TNFAIP8: variants seen among roughly 807,000 people sequenced by gnomAD.
TNFAIP8 encodes the protein TNF alpha induced protein 8, also known as tumor necrosis factor alpha-induced protein 8.
A neutral mutation model predicts 13.3 loss-of-function variants in TNFAIP8; 7 were observed. The ratio of observed to expected loss-of-function variants is 0.52; its 90% CI spans 0.30 to 0.99. The LOEUF (loss-of-function observed/expected upper bound fraction) is 0.99, where lower values mean the gene tolerates loss of function less well. Ranked by LOEUF, TNFAIP8 falls within the 50% of genes least tolerant of loss-of-function variation. The pLI, the probability that TNFAIP8 is intolerant of heterozygous loss-of-function variation, is 0.07. For missense variants in TNFAIP8, 258 were observed against 236.9 expected (o/e 1.09, Z -0.58); for synonymous variants, 94 against 87.6 (o/e 1.07, Z -0.41).
intron 1 of TNFAIP8, among the ~76,000 whole-genome samples, chr5:119,342,564 C>A (rs549648195): frequency 1.4e-4 from 21 of 152,258 alleles, no homozygotes; most frequent in African/African-American, 4.1e-4. Context: ...AACTTACTCC[C>A]TTCAGGAAAA....
At chr5:119,280,944 CT>C (rs1383706440) in intron 1 of TNFAIP8, among the ~76,000 whole-genome samples, 2 of 151,628 alleles carry the variant, frequency 1.3e-5, no homozygotes, top group South Asian at 2.1e-4. Context: ...GGAATTAAAT[CT>C]TTTTTATAGG....
Position 119,318,320 on chromosome 5 carries a change from T to C in TNFAIP8, c.1+49413T>C, listed in dbSNP as rs183946823. Among the ~76,000 whole-genome samples, 21 of 152,264 alleles carry C rather than the reference T, an allele frequency of 1.4e-4. 1 individual carries two copies. In the East Asian group the frequency reaches 4.1e-3, roughly 29 times the overall value. On this transcript the variant is annotated intron_variant, in intron 1 of 1. Transcript: ENST00000274456. Reference sequence around the variant, plus strand: ...CTTTTTGAGACAGGTCTCCCTCTGTTAGCCAGGCTGGAGTCTGGAGTGCAG... The same window carrying C: ...CTTTTTGAGACAGGTCTCCCTCTGTCAGCCAGGCTGGAGTCTGGAGTGCAG...
At chr5:119,278,146 T>C (rs1026997736) in intron 1 of TNFAIP8, among the ~76,000 whole-genome samples, 4 of 152,128 alleles carry the variant, frequency 2.6e-5, no homozygotes, top group African/African-American at 7.2e-5. Context: ...AGACATTAAA[T>C]TGTCTTATAT....
rs530114354 is a variant in TNFAIP8, at chr5:119,396,699, G to A, written c.*3318G>A. The stretch of plus-strand genomic sequence containing the variant: ...CATATACAACTCAAAATTAGTTTAA[G>A]AGTAAAGCATGGGGTGGGTGCGGTG... On this transcript the variant is annotated 3_prime_UTR_variant, in exon 2 of 2. Coordinates refer to ENST00000504771, the MANE Select transcript of TNFAIP8 (RefSeq NM_014350.4). The A allele has an allele frequency of 2.0e-5, 3 of 152,176 alleles. No homozygotes were observed. Among genetic ancestry groups the A allele is most frequent in the South Asian group, 2.1e-4 (1 of 4,826 alleles). 9.4% of individuals were successfully genotyped at this position (152,176 alleles called of 1,614,324 possible). A position where few individuals can be genotyped will look rare whatever the true frequency, so the allele number is the denominator to read the frequency against.
chr5:119,333,179 T>C, intron 1 of TNFAIP8: 4 of 990,978 alleles, frequency 4.0e-6, no homozygotes, highest in Non-Finnish European at 3.6e-6. Flanking sequence ...CTGCTTGATT[T>C]TGAATATACT....
chr5:119,295,943 A>G (rs1749161565), intron 1 of TNFAIP8, among the ~76,000 whole-genome samples: 1 of 151,236 alleles, frequency 6.6e-6, no homozygotes, highest in Non-Finnish European at 1.5e-5. Flanking sequence ...TTGTTGGTGT[A>G]TAAGAATGCT....
chr5:119,347,074 G>T (rs1226544995), intron 1 of TNFAIP8, among the ~76,000 whole-genome samples: 1 of 152,214 alleles, frequency 6.6e-6, no homozygotes, highest in African/African-American at 2.4e-5. Context: ...CATTGAAACA[G>T]GTTGCTATTT....
chr5:119,348,759 A>C (rs1338882341), intron 1 of TNFAIP8, among the ~76,000 whole-genome samples: 1 of 152,028 alleles, frequency 6.6e-6, no homozygotes, highest in Non-Finnish European at 1.5e-5. Context: ...ACATGCCTGT[A>C]ATCTCAGCTA....
chr5:119,273,623 G>C (rs531640493), intron 1 of TNFAIP8, among the ~76,000 whole-genome samples: 1 of 152,306 alleles, frequency 6.6e-6, no homozygotes, highest in South Asian at 2.1e-4. Flanking sequence ...ACCTATTACA[G>C]TTAAATTGTG....
At position 119,356,042 on chromosome 5, in the gene TNFAIP8, C is replaced by G. The variant is rs3797340; in HGVS notation, c.-49C>G. ...CTGCAGAGCGAACTTGCGGCTCGTC[C>G]GAGTACATGTGAGCGGTAATCGCCC... On this transcript the variant is annotated 5_prime_UTR_variant, in exon 1 of 2. Coordinates refer to ENST00000504771, the MANE Select transcript of TNFAIP8 (RefSeq NM_014350.4). 0.21 allele frequency: 317,521 copies of G among 1,543,162 alleles called. 33,681 individuals are homozygous for G. The highest frequency in any genetic ancestry group is 0.21 in the Non-Finnish European group (237,844 of 1,141,174).
intron 1 of TNFAIP8, among the ~76,000 whole-genome samples, chr5:119,384,479 T>C (rs1752598701): frequency 6.6e-6 from 1 of 152,128 alleles, no homozygotes; most frequent in Admixed American, 6.6e-5. Context: ...CGACACTCCA[T>C]CTTAAAAAAA....
In TNFAIP8 at chr5:119,396,630, CAAGTT is replaced by C. The variant is rs777341997; in HGVS notation, c.*3258_*3262del. 31 of 147,956 alleles carry C rather than the reference CAAGTT, an allele frequency of 2.1e-4. No homozygotes were observed. The highest frequency in any genetic ancestry group is 5.3e-4 in the African/African-American group (20 of 37,938). The allele number at this position is 147,956 out of a possible 1,614,324, so 9.2% of individuals were successfully genotyped here. A position where few individuals can be genotyped will look rare whatever the true frequency, so the allele number is the denominator to read the frequency against. ...GATTTGGAGGCTCAAAATATTTGAG[CAAGTT>C]AAGTTAAGAAATAGCCTTTTTCTGA... On this transcript the variant is annotated 3_prime_UTR_variant, in exon 2 of 2. Transcript: ENST00000504771.
intron 1 of TNFAIP8, among the ~76,000 whole-genome samples, chr5:119,386,231 C>T (rs2112851746): frequency 6.6e-6 from 1 of 152,236 alleles, no homozygotes. Flanking sequence ...ATACAAATTG[C>T]ACATATTGAA....
At chr5:119,387,377 T>G (rs1752721786) in intron 1 of TNFAIP8, among the ~76,000 whole-genome samples, 1 of 152,228 alleles carries the variant, frequency 6.6e-6, no homozygotes, top group Non-Finnish European at 1.5e-5. Flanking sequence ...TTCCTAATAT[T>G]GGAAACCTGG....
chr5:119,324,361 G>A (rs562670479), intron 1 of TNFAIP8, among the ~76,000 whole-genome samples: 1 of 149,094 alleles, frequency 6.7e-6, no homozygotes, highest in South Asian at 2.1e-4. Context: ...TCGGGGCTGG[G>A]AGCTCCTGGG....
At chr5:119,323,397 A>G (rs1394312762) in intron 1 of TNFAIP8, among the ~76,000 whole-genome samples, 1 of 152,128 alleles carries the variant, frequency 6.6e-6, no homozygotes, top group Non-Finnish European at 1.5e-5. Context: ...CACCCTGCAT[A>G]CATACACATC....
At chr5:119,310,666 C>G (rs1262397145) in intron 1 of TNFAIP8, among the ~76,000 whole-genome samples, 1 of 152,128 alleles carries the variant, frequency 6.6e-6, no homozygotes, top group Non-Finnish European at 1.5e-5. Flanking sequence ...AAAACCCTGT[C>G]TCTACTAAGA....
At chr5:119,294,655 C>T (rs1351858290) in intron 1 of TNFAIP8, among the ~76,000 whole-genome samples, 2 of 152,134 alleles carry the variant, frequency 1.3e-5, no homozygotes, top group African/African-American at 4.8e-5. Flanking sequence ...TTTACAGTCC[C>T]ACCAACAGTG....
intron 1 of TNFAIP8, among the ~76,000 whole-genome samples, chr5:119,358,964 C>G (rs1013545169): frequency 6.6e-6 from 1 of 152,108 alleles, no homozygotes; most frequent in Non-Finnish European, 1.5e-5. Flanking sequence ...TAGCCATTTC[C>G]CACCACCACC....
Sources: gnomAD v4.1 joint callset for allele counts (sites outside exome capture counted in the v4.1 genomes callset) on GRCh38, gnomAD v4.1.1 for gene constraint, MANE v1.5 for transcripts, NCBI Gene and HGNC (gene_info 2026-07-23, HGNC 2026-07-21) for gene names.